The following SH3RF2 variants were observed in gnomAD, a reference collection of about 807,000 sequenced individuals.
SH3RF2 encodes SH3 domain containing ring finger 2, also known as E3 ubiquitin-protein ligase SH3RF2.
A neutral mutation model predicts 59.0 loss-of-function variants in SH3RF2; 43 were observed. That is an observed-to-expected ratio of 0.73 (90% CI 0.57 to 0.94). The LOEUF (loss-of-function observed/expected upper bound fraction) is 0.94, where lower values mean the gene tolerates loss of function less well. Among genes scored for constraint, SH3RF2 ranks in the 40% least tolerant of loss-of-function variants. The pLI is 0.00. For synonymous variants in SH3RF2, 391 were observed against 391.5 expected (o/e 1.00, Z 0.01); for missense variants, 930 against 940.1 (o/e 0.99, Z 0.14).
chr5:145,987,749 G>A (rs1759770645), intron 2 of SH3RF2, among the ~76,000 whole-genome samples: 1 of 152,088 alleles, frequency 6.6e-6, no homozygotes, highest in Non-Finnish European at 1.5e-5. Flanking sequence ...TTTGTTGAAA[G>A]CAAAAAAGGA....
At chr5:145,969,983 C>G (rs953390777) in intron 2 of SH3RF2, among the ~76,000 whole-genome samples, 7 of 152,104 alleles carry the variant, frequency 4.6e-5, no homozygotes, top group Non-Finnish European at 1.0e-4. Flanking sequence ...TCTCTACATT[C>G]TCAAGAAAGA....
intron 5 of SH3RF2, among the ~76,000 whole-genome samples, chr5:146,034,991 G>T (rs1408218151): frequency 6.6e-6 from 1 of 151,822 alleles, no homozygotes. Context: ...CTGTAATCTC[G>T]GCTACTCAGG....
At chr5:146,052,403 C>G (rs556162306) in intron 7 of SH3RF2, among the ~76,000 whole-genome samples, 19 of 152,238 alleles carry the variant, frequency 1.2e-4, no homozygotes, top group African/African-American at 4.3e-4. Context: ...TCTGAGATGC[C>G]TACATGTCAG....
At chr5:146,039,549 G>A (rs910793344) in intron 5 of SH3RF2, among the ~76,000 whole-genome samples, 12 of 151,538 alleles carry the variant, frequency 7.9e-5, no homozygotes, top group Non-Finnish European at 1.5e-4. Context: ...ACCACAATCA[G>A]ATAGCATTTC....
intron 2 of SH3RF2, among the ~76,000 whole-genome samples, chr5:145,949,479 A>T (rs1485194867): frequency 1.3e-5 from 2 of 152,196 alleles, no homozygotes; most frequent in African/African-American, 4.8e-5. Context: ...AGTAAATCTT[A>T]TCTGGGACTT....
chr5:146,003,644 T>C (rs1405471662), intron 3 of SH3RF2, among the ~76,000 whole-genome samples: 1 of 152,224 alleles, frequency 6.6e-6, no homozygotes, highest in Non-Finnish European at 1.5e-5. Flanking sequence ...TTATGTTTGA[T>C]GCATTAAAAA....
At chr5:146,064,772 AAGGAAAGGAAGG>A (rs1763039028), downstream of SH3RF2, among the ~76,000 whole-genome samples, 4 of 46,050 alleles carry the variant, frequency 8.7e-5, no homozygotes, top group Non-Finnish European at 1.7e-4. Flanking sequence ...GGAAGGAAGG[AAGGAAAGGAAGG>A]AAGGAAGGAA....
intron 2 of SH3RF2, among the ~76,000 whole-genome samples, chr5:145,991,100 A>G (rs1759914895): frequency 6.6e-6 from 1 of 152,296 alleles, no homozygotes; most frequent in Non-Finnish European, 1.5e-5. Context: ...AGAGCCCCAA[A>G]TGAGTTTTAT....
At chr5:146,018,821 A>T (rs183297000) in intron 5 of SH3RF2, among the ~76,000 whole-genome samples, 1 of 152,228 alleles carries the variant, frequency 6.6e-6, no homozygotes, top group East Asian at 1.9e-4. Context: ...AATAACAGTC[A>T]TTCTGACTTG....
In SH3RF2 at chr5:145,936,690, A is replaced by C. The variant is rs1157553921; in HGVS notation, c.-111A>C. ...GCTGAACTCAGCAGAAGTTACATGC[A>C]CAAGGTTAGTGGCCCCCACACGCCT... On this transcript the variant is annotated 5_prime_UTR_variant, in exon 1 of 10. Transcript: ENST00000359120. 1 of 152,318 alleles carries C rather than the reference A, an allele frequency of 6.6e-6. No individual in the cohort carries two copies. Among genetic ancestry groups the C allele is most frequent in the African/African-American group, 2.4e-5 (1 of 41,466 alleles). The allele number at this position is 152,318 out of a possible 1,614,324, so 9.4% of individuals were successfully genotyped here. A position where few individuals can be genotyped will look rare whatever the true frequency, so the allele number is the denominator to read the frequency against.
At chr5:146,039,801 A>T (rs564817017) in intron 5 of SH3RF2, among the ~76,000 whole-genome samples, 26 of 152,330 alleles carry the variant, frequency 1.7e-4, no homozygotes, top group Non-Finnish European at 2.9e-4. Flanking sequence ...CATGTACAAA[A>T]ATGTTCATAG....
chr5:145,975,208 A>C (rs967747337), intron 2 of SH3RF2, among the ~76,000 whole-genome samples: 5 of 152,072 alleles, frequency 3.3e-5, no homozygotes, highest in Non-Finnish European at 7.4e-5. Flanking sequence ...ATTTCTGGAC[A>C]CTCCGTCCTT....
At chr5:145,945,573 G>T (rs992320272) in intron 2 of SH3RF2, among the ~76,000 whole-genome samples, 3 of 152,104 alleles carry the variant, frequency 2.0e-5, no homozygotes, top group Non-Finnish European at 4.4e-5. Context: ...GGAAGTGTAT[G>T]GTCAAGGGAA....
chr5:146,017,458 C>G (rs1475900181), intron 5 of SH3RF2, among the ~76,000 whole-genome samples: 2 of 152,128 alleles, frequency 1.3e-5, no homozygotes, highest in African/African-American at 2.4e-5. Flanking sequence ...GCCTCCCACA[C>G]TCACAGAGCA....
At chr5:145,953,912 T>C (rs1439638096) in intron 2 of SH3RF2, among the ~76,000 whole-genome samples, 1 of 152,244 alleles carries the variant, frequency 6.6e-6, no homozygotes, top group Non-Finnish European at 1.5e-5. Flanking sequence ...GGTTGCATAG[T>C]ATTTCACGGT....
Position 146,000,335 on chromosome 5 carries a change from T to A in SH3RF2, c.648+8T>A. The A allele has an allele frequency of 6.2e-7, 1 of 1,610,786 alleles. No individual in the cohort carries two copies. Among genetic ancestry groups the A allele is most frequent in the Non-Finnish European group, 8.5e-7 (1 of 1,178,996 alleles). On this transcript the variant is annotated splice_region_variant and intron_variant, in intron 3 of 9. Transcript: ENST00000359120. The stretch of plus-strand genomic sequence containing the variant: ...TGCCTGACCTTCCTCAAGGTAGGAT[T>A]CTGGGTGGCCACCAGAGTCACCTGG...
chr5:146,006,528 T>C (rs1760653661), intron 4 of SH3RF2, among the ~76,000 whole-genome samples: 2 of 152,170 alleles, frequency 1.3e-5, no homozygotes, highest in Non-Finnish European at 2.9e-5. Context: ...ATCTGACAGA[T>C]AGACAGCATT....
In SH3RF2 at chr5:146,062,463, C is replaced by T. The variant is rs752118032; in HGVS notation, c.1952C>T (p.Pro651Leu). 2.5e-6 allele frequency: 4 copies of T among 1,614,226 alleles called. No individual in the cohort carries two copies. Among genetic ancestry groups the T allele is most frequent in the Non-Finnish European group, 3.4e-6 (4 of 1,180,038 alleles). ...GTGAGATTTCAGAATTACAGCCCTC[C>T]TCCCACCAAACATTACACCTCCCAT... Reference protein sequence around the residue: ...KTVRFQNYSPPPTKHYTSHPT... With the variant: ...KTVRFQNYSPLPTKHYTSHPT... The change falls in exon 10 of 10, where the codon CCT becomes CTT. Residue 651 changes from proline (P) to leucine (L), a missense_variant. Physicochemically the swap from Pro to Leu is moderately conservative, Grantham distance 98. Coordinates refer to ENST00000359120, the MANE Select transcript of SH3RF2 (RefSeq NM_152550.4).
intron 5 of SH3RF2, among the ~76,000 whole-genome samples, chr5:146,043,354 G>A (rs1281436109): frequency 6.6e-6 from 1 of 152,156 alleles, no homozygotes; most frequent in East Asian, 1.9e-4. Flanking sequence ...TGCCCTCTAT[G>A]AAGCTGAGCG....
Sources: gnomAD v4.1 joint callset for allele counts (sites outside exome capture counted in the v4.1 genomes callset) on GRCh38, gnomAD v4.1.1 for gene constraint, MANE v1.5 for transcripts, NCBI Gene and HGNC (gene_info 2026-07-23, HGNC 2026-07-21) for gene names.